ARHGAP6: variants seen among roughly 807,000 people sequenced by gnomAD.
The protein encoded by ARHGAP6 is Rho GTPase activating protein 6.
A neutral mutation model predicts 55.7 loss-of-function variants in ARHGAP6; 16 were observed. The observed-to-expected ratio is 0.29, with a 90% CI of 0.19 to 0.44. The LOEUF (loss-of-function observed/expected upper bound fraction) is 0.44, where lower values mean the gene tolerates loss of function less well. ARHGAP6 is among the 20% of genes least tolerant of loss of function. The probability of loss-of-function intolerance (pLI) is 1.00; values close to 1 mark genes in which losing one functional copy is unlikely to be tolerated. For synonymous variants in ARHGAP6, 382 were observed against 360.9 expected, an observed-to-expected ratio of 1.06 and a Z score of -0.66; for missense variants, 698 against 808.9, an observed-to-expected ratio of 0.86 and a Z score of 1.66.
intron 1 of ARHGAP6, among the ~76,000 whole-genome samples, chrX:11,401,187 C>A (rs1478613988): frequency 9.0e-6 from 1 of 111,122 alleles, no homozygotes; most frequent in African/African-American, 3.3e-5. Flanking sequence ...ATTGGAAGAG[C>A]ATCCAAAAGC....
At chrX:11,148,655 G>T (rs765340147) in intron 10 of ARHGAP6, 5 of 374,827 alleles carry the variant, frequency 1.3e-5, no homozygotes, top group Admixed American at 1.3e-4. Context: ...CCAGGTCAGG[G>T]CGTAAACATG....
intron 1 of ARHGAP6, among the ~76,000 whole-genome samples, chrX:11,264,245 TA>T (rs775778149): frequency 2.7e-5 from 3 of 111,302 alleles, no homozygotes; most frequent in African/African-American, 6.5e-5. Context: ...TCAAACAACA[TA>T]ATTTAGCATA....
At chrX:11,185,694 G>C (rs768097378) in intron 5 of ARHGAP6, among the ~76,000 whole-genome samples, 20 of 112,145 alleles carry the variant, frequency 1.8e-4, no homozygotes, top group Non-Finnish European at 3.6e-4. Context: ...TTAGTAACTA[G>C]AATTGAGTTG....
intron 1 of ARHGAP6, among the ~76,000 whole-genome samples, chrX:11,524,034 G>C (rs992558412): frequency 7.2e-5 from 8 of 111,792 alleles, no homozygotes; most frequent in Non-Finnish European, 7.5e-5. Context: ...TGGGAAAATT[G>C]AGTTAACATG....
intron 1 of ARHGAP6, among the ~76,000 whole-genome samples, chrX:11,511,780 C>A (rs569383706): frequency 1.2e-3 from 135 of 111,308 alleles, no homozygotes; most frequent in African/African-American, 3.9e-3. Flanking sequence ...GAAGTCAGAG[C>A]CCCATAATCA....
chrX:11,190,380 G>T (rs1461605329), intron 3 of ARHGAP6, among the ~76,000 whole-genome samples: 2 of 107,378 alleles, frequency 1.9e-5, no homozygotes, highest in African/African-American at 6.8e-5. Context: ...TCTCACTATT[G>T]ATAATAGGCT....
At chrX:11,225,309 A>C (rs2047031015) in intron 2 of ARHGAP6, among the ~76,000 whole-genome samples, 1 of 111,180 alleles carries the variant, frequency 9.0e-6, no homozygotes, top group African/African-American at 3.3e-5. Flanking sequence ...AAGTGTTTAA[A>C]ATCTTAGTAA....
intron 2 of ARHGAP6, among the ~76,000 whole-genome samples, chrX:11,199,570 G>A (rs1569252476): frequency 8.9e-6 from 1 of 112,003 alleles, no homozygotes. Context: ...GACTTTATTT[G>A]GTAAAATCAA....
At chrX:11,481,877 C>A (rs1047911184) in intron 1 of ARHGAP6, among the ~76,000 whole-genome samples, 1 of 112,005 alleles carries the variant, frequency 8.9e-6, no homozygotes, top group African/African-American at 3.2e-5. Context: ...ATTCTTTATT[C>A]CCCTAGCACA....
chrX:11,181,045 C>T (rs1425557131), intron 6 of ARHGAP6, among the ~76,000 whole-genome samples: 1 of 112,181 alleles, frequency 8.9e-6, no homozygotes, highest in Non-Finnish European at 1.9e-5. Context: ...AGCCGGTTGG[C>T]AGATTCAGTG....
intron 2 of ARHGAP6, among the ~76,000 whole-genome samples, chrX:11,215,737 A>T (rs750381945): frequency 8.9e-6 from 1 of 112,447 alleles, no homozygotes; most frequent in Non-Finnish European, 1.9e-5. Flanking sequence ...ATGGAGTTAA[A>T]AACAGTCCAG....
intron 1 of ARHGAP6, among the ~76,000 whole-genome samples, chrX:11,277,513 C>T (rs921134409): frequency 4.5e-5 from 5 of 111,141 alleles, no homozygotes; most frequent in African/African-American, 9.8e-5. Context: ...ACTTGTTTTC[C>T]GCCTCATTCC....
chrX:11,230,491 CG>C (rs2047113253), intron 2 of ARHGAP6, among the ~76,000 whole-genome samples: 1 of 111,160 alleles, frequency 9.0e-6, no homozygotes, highest in Non-Finnish European at 1.9e-5. Flanking sequence ...CCACCGCGCC[CG>C]GCCAAAAGTT....
Position 11,428,851 on chromosome X carries a change from G to A in ARHGAP6, c.589-174144C>T, listed in dbSNP as rs759390025. 2.8e-4 allele frequency among the ~76,000 whole-genome samples: 31 copies of A among 111,953 alleles called. 1 individual carries two copies. The highest frequency in any genetic ancestry group is 2.4e-3 in the Admixed American group (26 of 10,618). Reference sequence around the variant, plus strand: ...TAGCAGTGGGAATGTGAAGCCAGGGGTGCAAGTGGCCTGAGGAATCTACCA... The same window carrying A: ...TAGCAGTGGGAATGTGAAGCCAGGGATGCAAGTGGCCTGAGGAATCTACCA... On this transcript the variant is annotated intron_variant, in intron 1 of 12. Transcript: ENST00000337414.
intron 1 of ARHGAP6, among the ~76,000 whole-genome samples, chrX:11,406,473 T>TAC (rs759273461): frequency 1.1e-4 from 12 of 111,193 alleles, no homozygotes; most frequent in Non-Finnish European, 1.5e-4. Context: ...CTGTAAACTA[T>TAC]ACACACACAC....
Position 11,497,410 on chromosome X carries a change from T to G in ARHGAP6, c.588+166831A>C, listed in dbSNP as rs1028284366. Among the ~76,000 whole-genome samples, 7 of 110,613 alleles carry G rather than the reference T, an allele frequency of 6.3e-5. No individual in the cohort carries two copies. The Admixed American group carries it at 6.8e-4, about 11-fold the overall frequency. On this transcript the variant is annotated intron_variant, in intron 1 of 12. Transcript: ENST00000337414. ...CATATGTTGAAGCCCTAACCCCCAA[T>G]GTAATGGAATGTGAAGGCAAGGTCT... is the stretch of plus-strand genomic sequence containing the variant.
chrX:11,467,308 A>C (rs979969084), intron 1 of ARHGAP6, among the ~76,000 whole-genome samples: 1 of 110,177 alleles, frequency 9.1e-6, no homozygotes, highest in Non-Finnish European at 1.9e-5. Flanking sequence ...ATGTGGTAGC[A>C]CTCACCACAA....
chrX:11,311,883 T>C (rs945121655), intron 1 of ARHGAP6, among the ~76,000 whole-genome samples: 1 of 111,690 alleles, frequency 9.0e-6, no homozygotes, highest in African/African-American at 3.3e-5. Flanking sequence ...TTAACAATTT[T>C]ATTCATTGGC....
chrX:11,360,086 A>T (rs1283568804), intron 1 of ARHGAP6, among the ~76,000 whole-genome samples: 1 of 111,665 alleles, frequency 9.0e-6, no homozygotes, highest in African/African-American at 3.3e-5. Flanking sequence ...TACAAGGAGG[A>T]ACCAGTACCA....
Sources: gnomAD v4.1 joint callset for allele counts (sites outside exome capture counted in the v4.1 genomes callset) on GRCh38, gnomAD v4.1.1 for gene constraint, MANE v1.5 for transcripts, NCBI Gene and HGNC (gene_info 2026-07-23, HGNC 2026-07-21) for gene names.